SPG7: variants seen among roughly 807,000 people sequenced by gnomAD.
SPG7 encodes mitochondrial inner membrane m-AAA protease component paraplegin.
SPG7 carries 103 observed loss-of-function variants against 81.9 expected under a neutral mutation model. That is an observed-to-expected ratio of 1.26 (90% confidence interval 1.07 to 1.48). The LOEUF is 1.48. Ranked by LOEUF, SPG7 falls within the 40% of genes most tolerant of loss-of-function variation. The pLI, the probability that SPG7 is intolerant of heterozygous loss-of-function variation, is 0.00. For synonymous variants in SPG7, 534 were observed against 444.2 expected (o/e 1.20, Z -2.54); for missense variants, 1,241 against 1,087.3 (o/e 1.14, Z -1.99).
At chr16:89,511,690 T>C (rs1162704170) in intron 2 of SPG7, among the ~76,000 whole-genome samples, 3 of 152,118 alleles carry the variant, frequency 2.0e-5, no homozygotes, top group Non-Finnish European at 4.4e-5. Flanking sequence ...GTGAAGAAAG[T>C]TACATTTCAG....
chr16:89,540,826 T>A (rs2058485273), intron 9 of SPG7: 1 of 895,110 alleles, frequency 1.1e-6, no homozygotes, highest in Non-Finnish European at 1.3e-6. Context: ...AGCAAAGACT[T>A]AGGCTCACAC....
chr16:89,540,164 T>C (rs1407576469), intron 9 of SPG7: 5 of 152,396 alleles, frequency 3.3e-5, no homozygotes, highest in African/African-American at 1.2e-4. Flanking sequence ...CCCACTTTGT[T>C]CTTTACCAGA....
At chr16:89,524,898 T>A (rs2058240674) in intron 4 of SPG7, among the ~76,000 whole-genome samples, 1 of 152,080 alleles carries the variant, frequency 6.6e-6, no homozygotes, top group South Asian at 2.1e-4. Context: ...CCACCAGAGC[T>A]TCTGCCCCTT....
chr16:89,544,805 A>G (rs760652393), intron 10 of SPG7, 33 bp downstream of exon 10: 1 of 1,612,676 alleles, frequency 6.2e-7, no homozygotes, highest in Non-Finnish European at 8.5e-7. Context: ...CTCCCACTCC[A>G]CCTGGGCCGC....
Position 89,532,645 on chromosome 16 carries a change from T to C in SPG7, c.1324+9T>C. The stretch of plus-strand genomic sequence containing the variant: ...TCTGGTAGAAATGGATGGTCAGTGC[T>C]CGTGCGCCCCGCACCCCCATTGCAC... On this transcript the variant is annotated intron_variant, in intron 9 of 16. Coordinates refer to ENST00000645818, the MANE Select transcript of SPG7 (RefSeq NM_003119.4). The C allele has an allele frequency of 6.2e-7, 1 of 1,613,092 alleles. No homozygotes were observed. The highest frequency in any genetic ancestry group is 8.5e-7 in the Non-Finnish European group (1 of 1,180,010).
chr16:89,554,016 TG>T, intron 15 of SPG7, 56 bp downstream of exon 15: 1 of 1,578,528 alleles, frequency 6.3e-7, no homozygotes, highest in Non-Finnish European at 8.6e-7. Flanking sequence ...AGGGAGTCCC[TG>T]GGTCTACCAC....
chr16:89,526,382 G>A lies in SPG7; in HGVS notation c.672G>A (p.Glu224=). 1 of 1,614,182 alleles carries A rather than the reference G, an allele frequency of 6.2e-7. No individual in the cohort carries two copies. The highest frequency in any genetic ancestry group is 8.5e-7 in the Non-Finnish European group (1 of 1,180,032). ...MQVANIDKFE[E]KLRAAEDELN... is the part of the protein sequence containing the mutation. Reference sequence around the variant, plus strand: ...TTGCAAATATTGACAAGTTTGAAGAGAAGCTTCGAGCAGCTGAAGATGAGC... The same window carrying A: ...TTGCAAATATTGACAAGTTTGAAGAAAAGCTTCGAGCAGCTGAAGATGAGC... The change falls in exon 5 of 17, where the codon GAG becomes GAA. Residue 224 remains glutamate (E), a synonymous_variant. Coordinates refer to ENST00000645818, the MANE Select transcript of SPG7 (RefSeq NM_003119.4).
chr16:89,557,246 T>C lies in SPG7; in HGVS notation c.*153T>C. 6.5e-6 allele frequency: 4 copies of C among 615,652 alleles called. No individual in the cohort carries two copies. The highest frequency in any genetic ancestry group is 1.2e-5 in the Non-Finnish European group (4 of 345,872). 38.1% of individuals were successfully genotyped at this position (615,652 alleles called of 1,614,324 possible). ...CTGAGATCTGTTGATTGATGACCCT[T>C]TTCATGATTTTAAGTTTCTCTGCAG... On this transcript the variant is annotated 3_prime_UTR_variant, in exon 17 of 17. Coordinates refer to ENST00000645818, the MANE Select transcript of SPG7 (RefSeq NM_003119.4).
chr16:89,557,357 C>CG lies in SPG7; in HGVS notation c.*265dup. The CG allele has an allele frequency of 2.0e-6, 1 of 512,542 alleles. No individual in the cohort carries two copies. The highest frequency in any genetic ancestry group is 3.5e-6 in the Non-Finnish European group (1 of 281,964). The allele number at this position is 512,542 out of a possible 1,614,324, so 31.7% of individuals were successfully genotyped here. On this transcript the variant is annotated 3_prime_UTR_variant, in exon 17 of 17. Coordinates refer to ENST00000645818, the MANE Select transcript of SPG7 (RefSeq NM_003119.4). ...CTTCCCGAGTGAGCATGGAACACTT[C>CG]GAGTTCCCAGGGTTATAGACAGTCG... is the stretch of plus-strand genomic sequence containing the variant.
chr16:89,545,549 T>C (rs554212054), intron 10 of SPG7: 47 of 201,140 alleles, frequency 2.3e-4, no homozygotes, highest in African/African-American at 6.6e-4. Flanking sequence ...CCAGGGGACA[T>C]GGCTTCTCCA....
At chr16:89,517,961 G>C (rs1481255958) in intron 3 of SPG7, 1 of 152,210 alleles carries the variant, frequency 6.6e-6, no homozygotes, top group Non-Finnish European at 1.5e-5. Context: ...TTGAACTATA[G>C]TTTGCTTGGA....
Position 89,508,442 on chromosome 16 carries a change from C to A in SPG7, c.25C>A (p.Arg9Ser). ...CATGGCCGTGCTGCTGCTGCTGCTC[C>A]GTGCCCTCCGCCGGGGTCCAGGCCC... MAVLLLLL[R>S]ALRRGPGPGP... is the part of the protein sequence containing the mutation. Residue 9 changes from arginine to serine, a missense_variant, in exon 1 of 17, where the codon CGT (arginine) becomes AGT (serine). Coordinates refer to ENST00000645818, the MANE Select transcript of SPG7 (RefSeq NM_003119.4). The A allele has an allele frequency of 1.3e-6, 2 of 1,501,938 alleles. No homozygotes were observed. The highest frequency in any genetic ancestry group is 1.2e-5 in the South Asian group (1 of 80,682). 93.0% of individuals were successfully genotyped at this position (1,501,938 alleles called of 1,614,324 possible). A position where few individuals can be genotyped will look rare whatever the true frequency, so the allele number is the denominator to read the frequency against.
At chr16:89,540,474 T>C (rs895832755) in intron 9 of SPG7, 2 of 152,174 alleles carry the variant, frequency 1.3e-5, no homozygotes, top group Non-Finnish European at 2.9e-5. Flanking sequence ...TAGTCTTAGC[T>C]GCTCAGAAGA....
intron 13 of SPG7, 180 bp from the exon 14 acceptor site, chr16:89,552,799 G>A (rs1289789618): frequency 9.2e-6 from 6 of 651,096 alleles, no homozygotes; most frequent in African/African-American, 1.8e-5. Flanking sequence ...TGGTGGGAAC[G>A]CTGCTGTCTC....
At chr16:89,534,513 G>C (rs1168029752) in intron 9 of SPG7, among the ~76,000 whole-genome samples, 1 of 152,220 alleles carries the variant, frequency 6.6e-6, no homozygotes, top group African/African-American at 2.4e-5. Flanking sequence ...TTACATTTTA[G>C]GTATTGTAGA....
intron 3 of SPG7, among the ~76,000 whole-genome samples, chr16:89,514,147 C>T (rs891419089): frequency 6.6e-6 from 1 of 152,018 alleles, no homozygotes; most frequent in African/African-American, 2.4e-5. Flanking sequence ...GCTTTAGGCT[C>T]ATCTTCAGCT....
chr16:89,544,744 A>G lies in SPG7; in HGVS notation c.1421A>G (p.His474Arg). Residue 474 changes from histidine (H) to arginine (R), a missense_variant, in exon 10 of 17, where the codon CAC (histidine) becomes CGC (arginine). Transcript: ENST00000645818. ...ATGAGGCCAGGCCGACTGGACCGGC[A>G]CGTCTTCATTGATCTCCCCACGCTG... ...ALMRPGRLDR[H>R]VFIDLPTLQE... The G allele has an allele frequency of 6.2e-7, 1 of 1,614,068 alleles. No individual in the cohort carries two copies. The highest frequency in any genetic ancestry group is 1.1e-5 in the South Asian group (1 of 91,084).
Position 89,524,018 on chromosome 16 carries a change from G to GC in SPG7, c.391dup (p.Arg131ProfsTer2). The GC allele has an allele frequency of 6.2e-7, 1 of 1,612,734 alleles. No homozygotes were observed. The highest frequency in any genetic ancestry group is 8.5e-7 in the Non-Finnish European group (1 of 1,180,008). On this transcript the variant is annotated frameshift_variant, in exon 4 of 17. Transcript: ENST00000645818. LOFTEE classifies it high-confidence loss of function. Reference sequence around the variant, plus strand: ...TCTGCCGGCTCAGAGGAGAGGAGACGCCGTGAGCGGGACGACCAGATGTAC... The same window carrying GC: ...TCTGCCGGCTCAGAGGAGAGGAGACGCCCGTGAGCGGGACGACCAGATGTAC...
chr16:89,518,974 ATTTATT>A (rs2152397286), intron 3 of SPG7: 1 of 151,770 alleles, frequency 6.6e-6, no homozygotes, highest in Non-Finnish European at 1.5e-5. Flanking sequence ...GCTCTGCGTC[ATTTATT>A]TTTATTTATT....
Sources: gnomAD v4.1 joint callset for allele counts (sites outside exome capture counted in the v4.1 genomes callset) on GRCh38, gnomAD v4.1.1 for gene constraint, MANE v1.5 for transcripts, NCBI Gene and HGNC (gene_info 2026-07-23, HGNC 2026-07-21) for gene names.